Variants in PTPRD observed in about 807,000 individuals in gnomAD.
The protein encoded by PTPRD is receptor-type tyrosine-protein phosphatase delta.
Under a neutral mutation model 214.5 loss-of-function variants are expected in PTPRD, and 34 were observed. That is an observed-to-expected ratio of 0.16 (90% CI 0.12 to 0.21). The LOEUF (loss-of-function observed/expected upper bound fraction) is 0.21. Ranked by LOEUF, PTPRD falls within the 10% of genes least tolerant of loss-of-function variation. The pLI, the probability that PTPRD is intolerant of heterozygous loss-of-function variation, is 1.00. For synonymous variants in PTPRD, 1,128 were observed against 845.7 expected (o/e 1.33, Z -5.79); for missense variants, 2,545 against 2,398.7 (o/e 1.06, Z -1.27).
intron 5 of PTPRD, among the ~76,000 whole-genome samples, chr9:9,791,304 T>C (rs141497962): frequency 1.3e-5 from 2 of 152,300 alleles, no homozygotes; most frequent in African/African-American, 4.8e-5. Context: ...ACACGTTTGT[T>C]CTTTAAGAAA....
At chr9:8,489,933 A>C (rs2097114900) in intron 27 of PTPRD, among the ~76,000 whole-genome samples, 1 of 152,236 alleles carries the variant, frequency 6.6e-6, no homozygotes, top group Admixed American at 6.5e-5. Context: ...CGGATGCAGC[A>C]GGGTCCATGT....
At chr9:9,480,302 G>A (rs1438949175) in intron 8 of PTPRD, among the ~76,000 whole-genome samples, 1 of 152,098 alleles carries the variant, frequency 6.6e-6, no homozygotes, top group Non-Finnish European at 1.5e-5. Flanking sequence ...GTTAAGTTCG[G>A]CTTGAGACAT....
chr9:8,448,643 A>T (rs1306616225), intron 34 of PTPRD, among the ~76,000 whole-genome samples: 1 of 152,178 alleles, frequency 6.6e-6, no homozygotes, highest in Non-Finnish European at 1.5e-5. Flanking sequence ...CGACATTATG[A>T]TGCTTGTATA....
At chr9:9,201,240 A>G (rs1399117336) in intron 9 of PTPRD, among the ~76,000 whole-genome samples, 1 of 152,216 alleles carries the variant, frequency 6.6e-6, no homozygotes, top group Non-Finnish European at 1.5e-5. Flanking sequence ...AACAGGCAGC[A>G]TTAAAAAACA....
intron 11 of PTPRD, among the ~76,000 whole-genome samples, chr9:8,938,306 G>A (rs2099010519): frequency 6.6e-6 from 1 of 151,936 alleles, no homozygotes; most frequent in South Asian, 2.1e-4. Context: ...GGAGGGAGAA[G>A]AGAGAAGAGG....
chr9:8,342,067 G>C (rs1455318604), intron 39 of PTPRD, 89 bp from the exon 40 acceptor site: 4 of 1,302,286 alleles, frequency 3.1e-6, no homozygotes, highest in South Asian at 1.7e-5. Flanking sequence ...TTATTAACTA[G>C]ACCTTACATC....
At chr9:8,972,212 C>T (rs1165651779) in intron 11 of PTPRD, among the ~76,000 whole-genome samples, 1 of 151,840 alleles carries the variant, frequency 6.6e-6, no homozygotes, top group Non-Finnish European at 1.5e-5. Flanking sequence ...TTTCAGTAGA[C>T]TAATACGGGA....
At chr9:9,911,918 G>A (rs2079306812) in intron 5 of PTPRD, among the ~76,000 whole-genome samples, 2 of 151,964 alleles carry the variant, frequency 1.3e-5, no homozygotes, top group Admixed American at 1.3e-4. Flanking sequence ...GAGATCATCT[G>A]TTTTTTCTTG....
At chr9:8,486,526 T>C in intron 27 of PTPRD, 177 bp from the exon 28 acceptor site, 1 of 723,556 alleles carries the variant, frequency 1.4e-6, no homozygotes, top group Non-Finnish European at 2.5e-6. Flanking sequence ...CTTGTCTTAC[T>C]TTATTAAAGT....
chr9:8,588,253 G>A (rs1820695652), intron 14 of PTPRD, among the ~76,000 whole-genome samples: 1 of 152,140 alleles, frequency 6.6e-6, no homozygotes, highest in African/African-American at 2.4e-5. Context: ...GATCCAGTGG[G>A]CCCATACAAA....
chr9:10,142,020 G>A (rs946238178), intron 3 of PTPRD, among the ~76,000 whole-genome samples: 4 of 152,046 alleles, frequency 2.6e-5, no homozygotes, highest in Admixed American at 2.0e-4. Flanking sequence ...ACAAGCAATG[G>A]GGAAAGGATT....
intron 10 of PTPRD, among the ~76,000 whole-genome samples, chr9:9,159,683 T>A (rs1050520810): frequency 7.2e-5 from 11 of 152,136 alleles, no homozygotes; most frequent in African/African-American, 2.4e-4. Context: ...TCAATGTCAT[T>A]TTTCACAGAG....
intron 3 of PTPRD, among the ~76,000 whole-genome samples, chr9:10,228,376 T>G (rs541431835): frequency 6.6e-6 from 1 of 152,174 alleles, no homozygotes; most frequent in Admixed American, 6.6e-5. Flanking sequence ...ACAGGATATT[T>G]CTGTATATTA....
chr9:9,867,529 G>A (rs1481874058), intron 5 of PTPRD, among the ~76,000 whole-genome samples: 1 of 152,030 alleles, frequency 6.6e-6, no homozygotes, highest in East Asian at 1.9e-4. Context: ...AAGAATCTCA[G>A]AGGAACTGAG....
chr9:10,489,751 T>C (rs1157919296), intron 2 of PTPRD, among the ~76,000 whole-genome samples: 1 of 151,938 alleles, frequency 6.6e-6, no homozygotes, highest in Non-Finnish European at 1.5e-5. Flanking sequence ...ATCAGCTGAG[T>C]TTGGTCTAGT....
chr9:9,475,784 A>G (rs2094983110), intron 8 of PTPRD, among the ~76,000 whole-genome samples: 1 of 152,164 alleles, frequency 6.6e-6, no homozygotes, highest in South Asian at 2.1e-4. Context: ...GAGGTCACTA[A>G]GTCTTGTGTG....
At chr9:9,625,775 C>A (rs557645035) in intron 7 of PTPRD, among the ~76,000 whole-genome samples, 1 of 152,016 alleles carries the variant, frequency 6.6e-6, no homozygotes, top group African/African-American at 2.4e-5. Context: ...TTTATCCGAA[C>A]GGCCAGCAAA....
At chr9:10,373,125 C>A (rs2097662088) in intron 2 of PTPRD, among the ~76,000 whole-genome samples, 1 of 148,332 alleles carries the variant, frequency 6.7e-6, no homozygotes. Context: ...AGTCACTGTG[C>A]CCGGCCTGTC....
intron 8 of PTPRD, among the ~76,000 whole-genome samples, chr9:9,566,133 T>G (rs1035061445): frequency 6.6e-6 from 1 of 152,012 alleles, no homozygotes; most frequent in African/African-American, 2.4e-5. Flanking sequence ...TATATTTTTT[T>G]CTTTTCCAGT....
Sources: allele counts gnomAD v4.1 joint callset (sites outside exome capture counted in the v4.1 genomes callset), GRCh38; gene constraint gnomAD v4.1.1; transcripts MANE v1.5; gene names NCBI Gene and HGNC (gene_info 2026-07-23, HGNC 2026-07-21).